The following QTMAN variants were observed in gnomAD, a reference collection of about 807,000 sequenced individuals.
QTMAN encodes the protein queuosine-tRNA mannosyltransferase, also known as tRNA-queuosine alpha-mannosyltransferase.
the QTMAN span, among the ~76,000 whole-genome samples, chr2:144,146,554 A>T: frequency 2.6e-5 from 4 of 151,806 alleles, no homozygotes; most frequent in African/African-American, 7.3e-5. Flanking sequence ...AGAACAGAAA[A>T]GATGAACAAG....
chr2:144,091,147 T>C, the QTMAN span, among the ~76,000 whole-genome samples: 22 of 152,098 alleles, frequency 1.4e-4, no homozygotes, highest in African/African-American at 3.1e-4. Flanking sequence ...GCTGGAACAA[T>C]TGGATATCTA....
At chr2:144,044,673 T>C in the QTMAN span, among the ~76,000 whole-genome samples, 1 of 152,226 alleles carries the variant, frequency 6.6e-6, no homozygotes, top group East Asian at 1.9e-4. Flanking sequence ...CATAAAGATT[T>C]TGCATTAGAA....
chr2:144,005,812 G>A, the QTMAN span: 1 of 152,012 alleles, frequency 6.6e-6, no homozygotes, highest in African/African-American at 2.4e-5. Context: ...GCAAAGTATT[G>A]AATAACATGG....
At chr2:144,189,715 G>T in the QTMAN span, among the ~76,000 whole-genome samples, 1 of 152,092 alleles carries the variant, frequency 6.6e-6, no homozygotes, top group Non-Finnish European at 1.5e-5. Context: ...CGCCTCCCGG[G>T]TTCAAGCAAT....
the QTMAN span, among the ~76,000 whole-genome samples, chr2:144,284,698 T>C: frequency 1.3e-5 from 2 of 152,138 alleles, no homozygotes; most frequent in African/African-American, 4.8e-5. Flanking sequence ...TAACTAACTG[T>C]TCATTATTTT....
chr2:144,033,315 C>T, the QTMAN span, among the ~76,000 whole-genome samples: 2 of 152,188 alleles, frequency 1.3e-5, no homozygotes, highest in Admixed American at 6.5e-5. Flanking sequence ...ATTCCCACAA[C>T]CCCTCTTTGG....
At chr2:144,156,816 GAC>G in the QTMAN span, among the ~76,000 whole-genome samples, 1 of 152,022 alleles carries the variant, frequency 6.6e-6, no homozygotes, top group African/African-American at 2.4e-5. Context: ...AACTTTCTGA[GAC>G]ACACTTTTCT....
At chr2:144,205,299 T>C in the QTMAN span, among the ~76,000 whole-genome samples, 1 of 152,216 alleles carries the variant, frequency 6.6e-6, no homozygotes. Context: ...TTGTACTTCA[T>C]GGTTGCGGAC....
the QTMAN span, among the ~76,000 whole-genome samples, chr2:144,124,599 T>C: frequency 6.6e-6 from 1 of 152,060 alleles, no homozygotes; most frequent in Non-Finnish European, 1.5e-5. Flanking sequence ...CACTGGGAGC[T>C]ATCCCTGGTG....
chr2:144,012,857 T>G, the QTMAN span, among the ~76,000 whole-genome samples: 4 of 152,000 alleles, frequency 2.6e-5, no homozygotes, highest in African/African-American at 9.7e-5. Context: ...TTTGAGCCAG[T>G]GAAGAGATAT....
chr2:144,079,821 T>C, the QTMAN span, among the ~76,000 whole-genome samples: 1 of 152,138 alleles, frequency 6.6e-6, no homozygotes, highest in Non-Finnish European at 1.5e-5. Context: ...ACTGTATTAC[T>C]GTAAGCAGTA....
At chr2:144,212,065 G>A in the QTMAN span, among the ~76,000 whole-genome samples, 1 of 152,240 alleles carries the variant, frequency 6.6e-6, no homozygotes, top group Non-Finnish European at 1.5e-5. Context: ...AGATGGCAGA[G>A]AGCCAAATGT....
chr2:144,221,682 A>G, the QTMAN span, among the ~76,000 whole-genome samples: 2 of 152,242 alleles, frequency 1.3e-5, no homozygotes, highest in African/African-American at 4.8e-5. Flanking sequence ...GTTTGATATA[A>G]CAAACTACTT....
chr2:144,032,697 G>A, the QTMAN span, among the ~76,000 whole-genome samples: 13 of 152,326 alleles, frequency 8.5e-5, no homozygotes, highest in African/African-American at 3.1e-4. Context: ...CAACCATGAG[G>A]ACACCATCTG....
At chr2:144,195,244 C>T in the QTMAN span, among the ~76,000 whole-genome samples, 1 of 151,956 alleles carries the variant, frequency 6.6e-6, no homozygotes, top group Non-Finnish European at 1.5e-5. Flanking sequence ...GTTTCTGGAA[C>T]AGGAGAAGGC....
At chr2:144,218,915 T>TAAAAAAAAAAAAAAA in the QTMAN span, among the ~76,000 whole-genome samples, 2 of 54,628 alleles carry the variant, frequency 3.7e-5, 1 homozygote. Flanking sequence ...GGAAAGTATC[T>TAAAAAAAAAAAAAAA]AAAAAAAAAA....
chr2:144,304,681 G>C, the QTMAN span, among the ~76,000 whole-genome samples: 1 of 152,182 alleles, frequency 6.6e-6, no homozygotes, highest in African/African-American at 2.4e-5. Flanking sequence ...CTGGCCTCAA[G>C]TAGGCCTCCC....
chr2:144,033,871 C>T, the QTMAN span, among the ~76,000 whole-genome samples: 5 of 152,278 alleles, frequency 3.3e-5, no homozygotes, highest in African/African-American at 9.6e-5. Flanking sequence ...TTTAGGAATT[C>T]TGTATCAGGA....
chr2:144,146,735 G>A, the QTMAN span, among the ~76,000 whole-genome samples: 4 of 151,846 alleles, frequency 2.6e-5, no homozygotes, highest in African/African-American at 9.7e-5. Flanking sequence ...GAGCAGCTGA[G>A]GACATTTAGA....
Sources: gnomAD v4.1 joint callset for allele counts (sites outside exome capture counted in the v4.1 genomes callset) on GRCh38, gnomAD v4.1.1 for gene constraint, MANE v1.5 for transcripts, NCBI Gene and HGNC (gene_info 2026-07-23, HGNC 2026-07-21) for gene names.